RPUSD3: variants seen among roughly 807,000 people sequenced by gnomAD.
RPUSD3 encodes the protein RNA pseudouridine synthase D3.
RPUSD3 carries 36 observed loss-of-function variants against 35.1 expected under a neutral mutation model. The ratio of observed to expected loss-of-function variants is 1.02; its 90% CI spans 0.79 to 1.35. The LOEUF (loss-of-function observed/expected upper bound fraction) is 1.35, where lower values mean the gene tolerates loss of function less well. RPUSD3 is among the 40% of genes most tolerant of loss of function. RPUSD3 has a pLI of 0.00. For missense variants in RPUSD3, 486 were observed against 441.9 expected (o/e 1.10, Z -0.89); for synonymous variants, 202 against 187.8 (o/e 1.08, Z -0.62).
At chr3:9,840,857 TA>T (rs1559235663) in intron 4 of RPUSD3, 52 bp from the exon 5 acceptor site, 1 of 1,438,348 alleles carries the variant, frequency 7.0e-7, no homozygotes. Flanking sequence ...ACTCGCCCAC[TA>T]AAAAGGAAAC....
At chr3:9,839,916 T>A in intron 7 of RPUSD3, 1 of 289,566 alleles carries the variant, frequency 3.5e-6, no homozygotes. Context: ...AAGTCTCCTC[T>A]ATCACCTAGA....
intron 8 of RPUSD3, 143 bp from the exon 9 acceptor site, chr3:9,838,350 A>T: frequency 1.3e-6 from 1 of 774,972 alleles, no homozygotes; most frequent in Non-Finnish European, 2.1e-6. Context: ...CTTTGCACAC[A>T]GATGTGCACA....
intron 2 of RPUSD3, chr3:9,843,037 G>T: frequency 5.9e-6 from 1 of 170,808 alleles, no homozygotes; most frequent in Non-Finnish European, 1.3e-5. Context: ...GATTACAGGC[G>T]GACGCCGCCA....
Position 9,838,085 on chromosome 3 carries a change from A to AACAGG in RPUSD3, c.982_986dup (p.Glu330LeufsTer39). The AACAGG allele has an allele frequency of 6.2e-7, 1 of 1,612,142 alleles. No homozygotes were observed. The highest frequency in any genetic ancestry group is 8.5e-7 in the Non-Finnish European group (1 of 1,179,494). ...AAGGGGGCAGTGGTGCCAGGAGCTC[A>AACAGG]ACAGGGGTGTCCCTGGCCCTGGTGC... On this transcript the variant is annotated frameshift_variant, in exon 9 of 9. Coordinates refer to ENST00000383820, the Ensembl canonical transcript of RPUSD3. LOFTEE classifies it high-confidence loss of function.
At chr3:9,840,856 C>T in intron 4 of RPUSD3, 51 bp from the exon 5 acceptor site, 2 of 1,448,032 alleles carry the variant, frequency 1.4e-6, no homozygotes, top group Non-Finnish European at 1.9e-6. Context: ...AACTCGCCCA[C>T]TAAAAAGGAA....
rs2082090565 is a variant in RPUSD3 at position 9,840,696 on chromosome 3, A to G, written c.515+2T>C. 1 of 1,613,866 alleles carries G rather than the reference A, an allele frequency of 6.2e-7. No individual in the cohort carries two copies. Among genetic ancestry groups the G allele is most frequent in the Non-Finnish European group, 8.5e-7 (1 of 1,179,824 alleles). ...CTCTAGGAACCTCCCAGCACCTCTC[A>G]CCAGTAGGTGGCTGTGGGCCTTTGG... On this transcript the variant is annotated splice_donor_variant, in intron 5 of 8. Transcript: ENST00000383820. LOFTEE classifies it high-confidence loss of function.
At chr3:9,842,229 A>C (rs761444731) in exon 3 of RPUSD3, 6 of 1,614,130 alleles carry the variant, frequency 3.7e-6, no homozygotes, top group Non-Finnish European at 5.1e-6. Flanking sequence ...GGCTTGTTCA[A>C]CGTCACTAGA....
chr3:9,841,739 G>T, intron 4 of RPUSD3: 1 of 392,836 alleles, frequency 2.5e-6, no homozygotes. Context: ...GAAGTGTTGG[G>T]ATTACAGGTG....
chr3:9,839,320 A>T (rs955500320), intron 7 of RPUSD3, 149 bp from the exon 8 acceptor site: 1 of 789,414 alleles, frequency 1.3e-6, no homozygotes, highest in African/African-American at 1.7e-5. Context: ...CCCTGCATCC[A>T]GAGAGGGACA....
intron 2 of RPUSD3, 199 bp from the exon 3 acceptor site, chr3:9,842,442 T>G: frequency 3.2e-6 from 2 of 620,416 alleles, no homozygotes; most frequent in South Asian, 3.7e-5. Context: ...TGCTGTTTCC[T>G]GTCCCCAAAT....
At chr3:9,843,847 G>A (rs369908383) in intron 1 of RPUSD3, 43 bp downstream of exon 1, 5 of 1,570,980 alleles carry the variant, frequency 3.2e-6, no homozygotes, top group Non-Finnish European at 4.3e-6. Flanking sequence ...CCTTCCCCCT[G>A]CCCTAGCCTC....
chr3:9,842,125 T>C, intron 3 of RPUSD3, 43 bp from the exon 4 acceptor site: 2 of 1,612,374 alleles, frequency 1.2e-6, no homozygotes, highest in South Asian at 1.1e-5. Context: ...CAAAGCTTCA[T>C]GCCTTCACTT....
chr3:9,838,177 G>A, exon 9 of RPUSD3: 1 of 1,612,118 alleles, frequency 6.2e-7, no homozygotes, highest in Admixed American at 1.7e-5. Flanking sequence ...GGGGTCAGGT[G>A]GAGGCGTCTG....
chr3:9,840,574 G>T, exon 6 of RPUSD3: 1 of 1,614,072 alleles, frequency 6.2e-7, no homozygotes, highest in Non-Finnish European at 8.5e-7. Flanking sequence ...GGGCAGCCTG[G>T]ATCTTCCCCT....
chr3:9,838,928 G>A, intron 8 of RPUSD3, 104 bp downstream of exon 8: 1 of 1,528,162 alleles, frequency 6.5e-7, no homozygotes, highest in Non-Finnish European at 8.9e-7. Flanking sequence ...CAAAAGGGCT[G>A]CCTCCCAGTA....
chr3:9,838,021 G>A lies in RPUSD3; in HGVS notation c.1051C>T (p.Gln351Ter). 1 of 1,565,334 alleles carries A rather than the reference G, an allele frequency of 6.4e-7. No homozygotes were observed. Among genetic ancestry groups the A allele is most frequent in the Non-Finnish European group, 8.7e-7 (1 of 1,153,472 alleles). ...GGTCAGGAACAGAGGGAGGACTATT[G>A]TAAGCGGAGCCCCAGGCACTGTAGG... is the stretch of plus-strand genomic sequence containing the variant. The change falls in exon 9 of 9, where the codon CAA becomes TAA. Residue 351 changes from glutamine to a stop codon, truncating the protein, a stop_gained. Transcript: ENST00000383820. LOFTEE classifies it high-confidence loss of function.
chr3:9,839,279 T>C lies in RPUSD3; in HGVS notation c.725-108A>G, dbSNP rs546026078. On this transcript the variant is annotated intron_variant, in intron 7 of 8. Transcript: ENST00000383820. ...GGGAAACACCACCCCCTTTCTCAGA[T>C]CATATGTTTCAGTGAGGTCAGTACT... The C allele has an allele frequency of 4.5e-6, 6 of 1,338,394 alleles. No individual in the cohort carries two copies. In the Admixed American group the frequency reaches 1.2e-4, roughly 26 times the overall value. The allele number at this position is 1,338,394 out of a possible 1,614,324, so 82.9% of individuals were successfully genotyped here.
rs144616051 is a variant in RPUSD3, at chr3:9,842,025, C to T, written c.365G>A (p.Gly122Glu). Residue 122 changes from glycine (G) to glutamate (E), a missense_variant, in exon 4 of 9, where the codon GGG becomes GAG. By Grantham distance (98) the Gly-to-Glu change is moderately conservative (BLOSUM62 -2). Coordinates refer to ENST00000383820, the Ensembl canonical transcript of RPUSD3. ...AACCTGAAGCTCCTGCTCCCTGAGC[C>T]CTAGGGACTGGCTCAGCTCTGGCAG... 1,075 of 1,613,950 alleles carry T rather than the reference C, an allele frequency of 6.7e-4. 14 individuals carry two copies. In the East Asian group the frequency reaches 0.013, roughly 19 times the overall value.
At chr3:9,838,982 C>A in intron 8 of RPUSD3, 50 bp downstream of exon 8, 1 of 1,612,710 alleles carries the variant, frequency 6.2e-7, no homozygotes, top group South Asian at 1.1e-5. Flanking sequence ...TGCCCATGCT[C>A]ACCTCTCCCT....
Sources: allele counts gnomAD v4.1 joint callset, GRCh38; gene constraint gnomAD v4.1.1; transcripts MANE v1.5; gene names NCBI Gene and HGNC (gene_info 2026-07-23, HGNC 2026-07-21).